The following COL28A1 variants were observed in gnomAD, a reference collection of about 807,000 sequenced individuals.
COL28A1 encodes collagen alpha-1(XXVIII) chain.
Under a neutral mutation model 150.2 loss-of-function variants are expected in COL28A1, and 161 were observed. That is an observed-to-expected ratio of 1.07 (90% CI 0.94 to 1.22). COL28A1 has a LOEUF of 1.22. COL28A1 is among the 50% of genes most tolerant of loss of function. COL28A1 has a pLI of 0.00. For missense variants in COL28A1, 1,617 were observed against 1,388.3 expected (o/e 1.16, Z -2.62); for synonymous variants, 552 against 469.7 (o/e 1.18, Z -2.26).
At chr7:7,540,767 C>T (rs111971463), upstream of COL28A1, among the ~76,000 whole-genome samples, 114 of 152,312 alleles carry the variant, frequency 7.5e-4, no homozygotes, top group African/African-American at 2.5e-3. Context: ...AGAGTCTCAC[C>T]TCTCACTGTG....
At chr7:7,370,944 T>C in intron 32 of COL28A1, 62 bp from the exon 33 acceptor site, 1 of 1,162,758 alleles carries the variant, frequency 8.6e-7, no homozygotes, top group African/African-American at 1.5e-5. Context: ...TTAAAACTCA[T>C]TTAAAAAGAT....
chr7:7,510,116 A>T (rs1781042535), intron 9 of COL28A1, among the ~76,000 whole-genome samples: 1 of 152,134 alleles, frequency 6.6e-6, no homozygotes, highest in Admixed American at 6.5e-5. Flanking sequence ...TCTTGGTGGC[A>T]TGATGTTAAT....
intron 27 of COL28A1, among the ~76,000 whole-genome samples, chr7:7,414,465 C>A (rs1434008325): frequency 1.3e-5 from 2 of 152,180 alleles, no homozygotes; most frequent in Non-Finnish European, 2.9e-5. Flanking sequence ...CAGGGCAGAG[C>A]CAGTTGGGCC....
intron 34 of COL28A1, among the ~76,000 whole-genome samples, chr7:7,359,639 T>C (rs2128277366): frequency 6.6e-6 from 1 of 152,294 alleles, no homozygotes; most frequent in East Asian, 1.9e-4. Context: ...ATCTGGGACT[T>C]ATATGTGATA....
At chr7:7,370,369 T>C (rs1781160037) in intron 33 of COL28A1, among the ~76,000 whole-genome samples, 3 of 152,062 alleles carry the variant, frequency 2.0e-5, no homozygotes, top group Admixed American at 2.0e-4. Context: ...GGGAGAGTTG[T>C]GGCCTGGTAT....
intron 15 of COL28A1, among the ~76,000 whole-genome samples, chr7:7,473,482 T>C (rs1238024217): frequency 3.3e-5 from 5 of 152,170 alleles, no homozygotes; most frequent in Non-Finnish European, 7.4e-5. Context: ...AAAACCACAA[T>C]GTGATACCAC....
At chr7:7,529,419 A>C (rs1035430157) in intron 3 of COL28A1, among the ~76,000 whole-genome samples, 3 of 152,112 alleles carry the variant, frequency 2.0e-5, no homozygotes, top group African/African-American at 4.8e-5. Context: ...GGAAAGCAGC[A>C]CCTCCTTCTA....
chr7:7,391,626 G>A (rs1782545934), intron 27 of COL28A1, among the ~76,000 whole-genome samples: 1 of 152,052 alleles, frequency 6.6e-6, no homozygotes, highest in African/African-American at 2.4e-5. Context: ...CTCTTTGTAG[G>A]TCTCTAAGAA....
rs2128276819 is a variant in COL28A1, at chr7:7,358,733, T to C, written c.3278A>G (p.Gln1093Arg). 6.2e-7 allele frequency: 1 copy of C among 1,614,066 alleles called. No homozygotes were observed. The highest frequency in any genetic ancestry group is 1.3e-5 in the African/African-American group (1 of 75,046). The change falls in exon 35 of 35, where the codon CAG becomes CGG. Residue 1093 changes from glutamine to arginine, a missense_variant. Transcript: ENST00000399429. ...CCAAAATCGGGCACAAGAGTTGACCTGTTTGTCATAATACCATCGAACCAC... is the reference window on the plus strand; with the variant it reads ...CCAAAATCGGGCACAAGAGTTGACCCGTTTGTCATAATACCATCGAACCAC... ...EYVVRWYYDK[Q>R]VNSCARFWFS... is the part of the protein sequence containing the mutation.
rs1782360988 is a variant in COL28A1 at position 7,531,600 on chromosome 7, TA to T, written c.428del (p.Leu143HisfsTer11). 1 of 1,605,048 alleles carries T rather than the reference TA, an allele frequency of 6.2e-7. No individual in the cohort carries two copies. Among genetic ancestry groups the T allele is most frequent in the South Asian group, 1.1e-5 (1 of 90,882 alleles). ...CATCCTTACGCCCTTCTCTCTTAAG[TA>T]GCCTAGTGGCATTGGAAATGGCATA... is the stretch of plus-strand genomic sequence containing the variant. ...SYYAISNATR[L>X]LKREGRKDGV... On this transcript the variant is annotated frameshift_variant, in exon 3 of 35. Transcript: ENST00000399429. LOFTEE classifies it high-confidence loss of function.
At position 7,432,639 on chromosome 7, in the gene COL28A1, C is replaced by G. The variant is rs956535721; in HGVS notation, c.1922G>C (p.Gly641Ala). 3.7e-6 allele frequency: 6 copies of G among 1,613,996 alleles called. No individual in the cohort carries two copies. Among genetic ancestry groups the G allele is most frequent in the Non-Finnish European group, 5.1e-6 (6 of 1,179,960 alleles). Residue 641 changes from glycine to alanine, a missense_variant, in exon 24 of 35, where the codon GGT becomes GCT. Gly to Ala is a moderately conservative substitution (Grantham distance 60, BLOSUM62 0). Coordinates refer to ENST00000399429, the MANE Select transcript of COL28A1 (RefSeq NM_001037763.3). ...AAAAAATGTCCCACTTACAGGCACACCAGGATAGCCATCACCTTTGAGTCC... is the reference window on the plus strand; with the variant it reads ...AAAAAATGTCCCACTTACAGGCACAGCAGGATAGCCATCACCTTTGAGTCC... ...APGLKGDGYPGVPGPRGLPGP... is the reference protein window; with the variant it reads ...APGLKGDGYPAVPGPRGLPGP...
rs564173717 is a variant in COL28A1 at position 7,395,925 on chromosome 7, A to C, written c.2137-14313T>G. Among the ~76,000 whole-genome samples, 16 of 152,356 alleles carry C rather than the reference A, an allele frequency of 1.1e-4. No individual in the cohort carries two copies. In the South Asian group the frequency reaches 2.9e-3, roughly 28 times the overall value. ...TGAAAGCCTTCTGCTAGGTCAAATA[A>C]AACAGCCAGGATTAAGATGTTGACT... On this transcript the variant is annotated intron_variant, in intron 27 of 34. Coordinates refer to ENST00000399429, the MANE Select transcript of COL28A1 (RefSeq NM_001037763.3).
chr7:7,460,026 T>G (rs183192728), intron 15 of COL28A1, among the ~76,000 whole-genome samples: 2 of 152,232 alleles, frequency 1.3e-5, no homozygotes, highest in Non-Finnish European at 2.9e-5. Context: ...CTAGATGAGA[T>G]TCATTAAATA....
At position 7,396,478 on chromosome 7, in the gene COL28A1, T is replaced by C. The variant is rs1782842764; in HGVS notation, c.2137-14866A>G. ...CCAGGCAGTTTCCCCTTCTCTGACT[T>C]GATAATCAGCAGCTTCCAGTGTTTT... On this transcript the variant is annotated intron_variant, in intron 27 of 34. Coordinates refer to ENST00000399429, the MANE Select transcript of COL28A1 (RefSeq NM_001037763.3). Among the ~76,000 whole-genome samples the C allele has an allele frequency of 2.0e-5, 3 of 152,332 alleles. No homozygotes were observed. The South Asian group carries it at 6.2e-4, about 32-fold the overall frequency.
intron 7 of COL28A1, 100 bp from the exon 8 acceptor site, chr7:7,515,940 T>C: frequency 1.5e-6 from 1 of 677,072 alleles, no homozygotes; most frequent in South Asian, 1.8e-5. Flanking sequence ...CAAAAACACA[T>C]CTATACAGTC....
chr7:7,486,257 T>G (rs1018573571), intron 13 of COL28A1, among the ~76,000 whole-genome samples: 7 of 152,194 alleles, frequency 4.6e-5, no homozygotes, highest in African/African-American at 1.7e-4. Flanking sequence ...ATTACTAGTA[T>G]ACAGAAATTA....
At chr7:7,464,016 A>T (rs962210860) in intron 15 of COL28A1, among the ~76,000 whole-genome samples, 1 of 152,224 alleles carries the variant, frequency 6.6e-6, no homozygotes, top group Non-Finnish European at 1.5e-5. Flanking sequence ...AGCCATTCTT[A>T]TATCAGACAA....
chr7:7,432,621 G>T lies in COL28A1; in HGVS notation c.1929+11C>A, dbSNP rs771044805. 1.9e-6 allele frequency: 3 copies of T among 1,613,574 alleles called. No homozygotes were observed. Among genetic ancestry groups the T allele is most frequent in the Non-Finnish European group, 2.5e-6 (3 of 1,179,742 alleles). On this transcript the variant is annotated intron_variant, in intron 24 of 34. Coordinates refer to ENST00000399429, the MANE Select transcript of COL28A1 (RefSeq NM_001037763.3). ...AAAAGGAGGGAGGGAAGAAAAAAAT[G>T]TCCCACTTACAGGCACACCAGGATA...
chr7:7,350,755 G>A, the COL28A1 span, among the ~76,000 whole-genome samples: 2 of 148,688 alleles, frequency 1.3e-5, no homozygotes, highest in Non-Finnish European at 3.0e-5. Flanking sequence ...GCAGATACTG[G>A]CAAACCATAG....
Sources: gnomAD v4.1 joint callset for allele counts (sites outside exome capture counted in the v4.1 genomes callset) on GRCh38, gnomAD v4.1.1 for gene constraint, MANE v1.5 for transcripts, NCBI Gene and HGNC (gene_info 2026-07-23, HGNC 2026-07-21) for gene names.